STXBP5L: variants seen among roughly 807,000 people sequenced by gnomAD.
STXBP5L encodes syntaxin binding protein 5L, also known as syntaxin-binding protein 5-like.
STXBP5L carries 65 observed loss-of-function variants against 144.5 expected under a neutral mutation model. That is an observed-to-expected ratio of 0.45 (90% CI 0.37 to 0.55). The LOEUF is 0.55. Among genes scored for constraint, STXBP5L ranks in the 20% least tolerant of loss-of-function variants. STXBP5L has a pLI of 0.00. For missense variants in STXBP5L, 1,298 were observed against 1,405.5 expected, an observed-to-expected ratio of 0.92 and a Z score of 1.22; for synonymous variants, 505 against 469.6, an observed-to-expected ratio of 1.08 and a Z score of -0.97.
chr3:121,189,140 G>C (rs2047526776), intron 9 of STXBP5L, among the ~76,000 whole-genome samples: 1 of 152,132 alleles, frequency 6.6e-6, no homozygotes, highest in South Asian at 2.1e-4. Context: ...CAGATGAGTA[G>C]GTTGCAAAAA....
chr3:121,102,494 T>G (rs952784394), intron 5 of STXBP5L, among the ~76,000 whole-genome samples: 1 of 152,082 alleles, frequency 6.6e-6, no homozygotes, highest in African/African-American at 2.4e-5. Flanking sequence ...GGTGCTGTGA[T>G]ACTTGGCTAC....
chr3:121,417,614 T>C (rs940965586), intron 25 of STXBP5L, among the ~76,000 whole-genome samples: 1 of 152,136 alleles, frequency 6.6e-6, no homozygotes, highest in African/African-American at 2.4e-5. Context: ...TACAGGCACA[T>C]GTCACCACTC....
intron 5 of STXBP5L, among the ~76,000 whole-genome samples, chr3:121,076,092 C>T (rs147384121): frequency 4.3e-4 from 66 of 152,248 alleles, no homozygotes; most frequent in African/African-American, 1.5e-3. Flanking sequence ...AAACGAAGAG[C>T]TGTTCTGCCC....
intron 20 of STXBP5L, among the ~76,000 whole-genome samples, chr3:121,342,341 A>C (rs1413571111): frequency 6.6e-6 from 1 of 152,106 alleles, no homozygotes; most frequent in African/African-American, 2.4e-5. Flanking sequence ...TTATACTAGA[A>C]TACTATTTTT....
rs2050996188 is a variant in STXBP5L at position 121,279,825 on chromosome 3, A to G, written c.1979A>G (p.Asn660Ser). 2.5e-6 allele frequency: 4 copies of G among 1,612,348 alleles called. No individual in the cohort carries two copies. The highest frequency in any genetic ancestry group is 1.1e-5 in the South Asian group (1 of 91,032). ...AYGIVAFGNC[N>S]GLAVVDFIQK... ...CTTAGAGTTGCATTTGGGAACTGCA[A>G]TGGGTTGGCTGTGGTGGATTTTATA... The change falls in exon 19 of 27, where the codon AAT becomes AGT. Residue 660 changes from asparagine to serine, a missense_variant. Asn to Ser is a conservative substitution (Grantham distance 46, BLOSUM62 1). Coordinates refer to ENST00000471454, the MANE Select transcript of STXBP5L (RefSeq NM_001308330.2).
At chr3:120,937,892 A>G (rs1385659108) in intron 2 of STXBP5L, among the ~76,000 whole-genome samples, 1 of 152,150 alleles carries the variant, frequency 6.6e-6, no homozygotes. Flanking sequence ...TTGATACACA[A>G]TAATAGGGGC....
At chr3:121,024,605 A>C (rs1945794851) in intron 3 of STXBP5L, among the ~76,000 whole-genome samples, 1 of 152,200 alleles carries the variant, frequency 6.6e-6, no homozygotes, top group Non-Finnish European at 1.5e-5. Flanking sequence ...AGCCCCATGC[A>C]GGTAAAATAA....
chr3:121,398,015 TA>T (rs1420118496), intron 22 of STXBP5L, among the ~76,000 whole-genome samples: 1 of 152,238 alleles, frequency 6.6e-6, no homozygotes, highest in Non-Finnish European at 1.5e-5. Context: ...TAATTTGATT[TA>T]CCCAATAAGC....
At chr3:120,932,292 C>T (rs1305088124) in intron 2 of STXBP5L, among the ~76,000 whole-genome samples, 1 of 152,130 alleles carries the variant, frequency 6.6e-6, no homozygotes, top group Non-Finnish European at 1.5e-5. Flanking sequence ...ATTTCTTATG[C>T]TCTTATTATT....
rs181676483 is a variant in STXBP5L, at chr3:121,369,736, G to T, written c.2177-8980G>T. Among the ~76,000 whole-genome samples, 77 of 152,172 alleles carry T rather than the reference G, an allele frequency of 5.1e-4. 1 individual carries two copies. In the East Asian group the frequency reaches 9.3e-3, roughly 18 times the overall value. ...TAGTCTGATGGGCTTCCTTTTGTAG[G>T]TGACCTATCCTTTCTCTCCAGCTGC... On this transcript the variant is annotated intron_variant, in intron 20 of 26. Coordinates refer to ENST00000471454, the MANE Select transcript of STXBP5L (RefSeq NM_001308330.2).
chr3:121,275,445 G>A (rs1255256495), intron 18 of STXBP5L, among the ~76,000 whole-genome samples: 1 of 152,042 alleles, frequency 6.6e-6, no homozygotes, highest in Non-Finnish European at 1.5e-5. Context: ...TTAATGTACA[G>A]ATTTTCCACA....
chr3:121,033,896 G>C (rs1946563850), intron 3 of STXBP5L, among the ~76,000 whole-genome samples: 1 of 151,958 alleles, frequency 6.6e-6, no homozygotes, highest in South Asian at 2.1e-4. Context: ...ACTGCTTTAA[G>C]AAATACTTAA....
intron 2 of STXBP5L, among the ~76,000 whole-genome samples, chr3:120,935,487 C>T (rs779564855): frequency 2.0e-5 from 3 of 151,852 alleles, no homozygotes; most frequent in South Asian, 2.1e-4. Context: ...TATAGATCTA[C>T]GTTTCTGACC....
chr3:121,255,075 A>G lies in STXBP5L; in HGVS notation c.1622A>G (p.Tyr541Cys). 6.2e-7 allele frequency: 1 copy of G among 1,603,238 alleles called. No homozygotes were observed. Among genetic ancestry groups the G allele is most frequent in the Non-Finnish European group, 8.5e-7 (1 of 1,175,454 alleles). Residue 541 changes from tyrosine (Y) to cysteine (C), a missense_variant, in exon 16 of 27, where the codon TAT (tyrosine) becomes TGT (cysteine). Coordinates refer to ENST00000471454, the MANE Select transcript of STXBP5L (RefSeq NM_001308330.2). Reference sequence around the variant, plus strand: ...GGAGTCTCTGCATATGTCATAATTTATAAATTCAGCAGACATGAAATTACA... The same window carrying G: ...GGAGTCTCTGCATATGTCATAATTTGTAAATTCAGCAGACATGAAATTACA... ...VSGVSAYVIIYKFSRHEITTE... is the reference protein window; with the variant it reads ...VSGVSAYVIICKFSRHEITTE...
At position 121,070,492 on chromosome 3, in the gene STXBP5L, A is replaced by C. The variant is rs571934965; in HGVS notation, c.470+24957A>C. On this transcript the variant is annotated intron_variant, in intron 5 of 26. Coordinates refer to ENST00000471454, the MANE Select transcript of STXBP5L (RefSeq NM_001308330.2). ...ACTTTAGGAAGATTTTAAAATTTCT[A>C]TTACTACTACTATTAGGTTATAGTT... Among the ~76,000 whole-genome samples, 6 of 152,260 alleles carry C rather than the reference A, an allele frequency of 3.9e-5. No homozygotes were observed. The East Asian group carries it at 1.2e-3, about 29-fold the overall frequency.
chr3:121,152,022 C>T (rs936816152), intron 7 of STXBP5L, among the ~76,000 whole-genome samples: 5 of 151,824 alleles, frequency 3.3e-5, no homozygotes, highest in Non-Finnish European at 1.5e-5. Context: ...GTTCATAAAA[C>T]ATCAGTTTAA....
At chr3:120,938,794 T>C (rs1710402412) in intron 2 of STXBP5L, among the ~76,000 whole-genome samples, 1 of 152,164 alleles carries the variant, frequency 6.6e-6, no homozygotes, top group African/African-American at 2.4e-5. Flanking sequence ...TCTTTTTTCT[T>C]CTTAGAGACA....
chr3:121,320,890 G>A (rs1008874237), intron 20 of STXBP5L, among the ~76,000 whole-genome samples: 7 of 151,864 alleles, frequency 4.6e-5, no homozygotes, highest in Admixed American at 3.3e-4. Flanking sequence ...TAGTAGAGAC[G>A]GGGTTTCACT....
chr3:121,116,647 G>A (rs1023970777), intron 6 of STXBP5L, among the ~76,000 whole-genome samples: 2 of 151,906 alleles, frequency 1.3e-5, no homozygotes, highest in African/African-American at 4.8e-5. Context: ...CAAGATAATT[G>A]GTGTGAGCTA....
Sources: allele counts gnomAD v4.1 joint callset (sites outside exome capture counted in the v4.1 genomes callset), GRCh38; gene constraint gnomAD v4.1.1; transcripts MANE v1.5; gene names NCBI Gene and HGNC (gene_info 2026-07-23, HGNC 2026-07-21).